ASCC3: variants seen among roughly 807,000 people sequenced by gnomAD.
The protein encoded by ASCC3 is activating signal cointegrator 1 complex subunit 3.
In ASCC3, 158 loss-of-function variants were observed where a neutral mutation model predicts 256.3. The observed-to-expected ratio is 0.62, with a 90% CI of 0.54 to 0.70. The LOEUF (loss-of-function observed/expected upper bound fraction) is 0.70. Ranked by LOEUF, ASCC3 falls within the 30% of genes least tolerant of loss-of-function variation. The probability of loss-of-function intolerance (pLI) is 0.00; values close to 1 mark genes in which losing one functional copy is unlikely to be tolerated. For synonymous variants in ASCC3, 948 were observed against 883.4 expected, an observed-to-expected ratio of 1.07 and a Z score of -1.30; for missense variants, 2,259 against 2,626.0, an observed-to-expected ratio of 0.86 and a Z score of 3.05.
chr6:100,520,904 G>A (rs558903355), intron 37 of ASCC3, among the ~76,000 whole-genome samples: 1 of 152,192 alleles, frequency 6.6e-6, no homozygotes, highest in East Asian at 1.9e-4. Context: ...TGCCTCTGCT[G>A]TTCTTGACAC....
rs763204154 is a variant in ASCC3, at chr6:100,627,801, C to T, written c.4521+41G>A. The T allele has an allele frequency of 1.7e-5, 27 of 1,612,224 alleles. No individual in the cohort carries two copies. In the South Asian group the frequency reaches 2.2e-4, roughly 13 times the overall value. On this transcript the variant is annotated intron_variant, in intron 28 of 41. Coordinates refer to ENST00000369162, the MANE Select transcript of ASCC3 (RefSeq NM_006828.4). The stretch of plus-strand genomic sequence containing the variant: ...CTCTTAAAAGGAATCATCAAAGTAA[C>T]ACTACTAAATAAATGCATAATTTAT...
At chr6:100,605,844 C>T in intron 32 of ASCC3, 144 bp from the exon 33 acceptor site, 1 of 895,736 alleles carries the variant, frequency 1.1e-6, no homozygotes, top group Non-Finnish European at 1.7e-6. Flanking sequence ...TTGATGGCTA[C>T]TACTACGTTG....
chr6:100,521,558 T>A (rs1774312001), intron 37 of ASCC3, among the ~76,000 whole-genome samples: 1 of 152,160 alleles, frequency 6.6e-6, no homozygotes, highest in Non-Finnish European at 1.5e-5. Flanking sequence ...TTCTAATTGA[T>A]GGTAATCAGG....
chr6:100,624,343 T>A, intron 30 of ASCC3, among the ~76,000 whole-genome samples: 1 of 149,112 alleles, frequency 6.7e-6, no homozygotes, highest in African/African-American at 2.5e-5. Flanking sequence ...CCAAAAGAAA[T>A]GAAGAGACAA....
At chr6:100,864,766 G>A (rs1035545667) in intron 2 of ASCC3, among the ~76,000 whole-genome samples, 17 of 152,118 alleles carry the variant, frequency 1.1e-4, no homozygotes, top group African/African-American at 4.1e-4. Context: ...TTTCTATTAG[G>A]TGGCTTAAAC....
intron 4 of ASCC3, among the ~76,000 whole-genome samples, chr6:100,840,544 G>GT (rs140357094): frequency 0.031 from 4,366 of 139,766 alleles, 103 homozygotes; most frequent in Non-Finnish European, 0.049. Flanking sequence ...TTATTTTAGC[G>GT]TAAGAGTCTT....
At chr6:100,878,686 T>G (rs1415995589) in intron 1 of ASCC3, among the ~76,000 whole-genome samples, 1 of 152,166 alleles carries the variant, frequency 6.6e-6, no homozygotes, top group Non-Finnish European at 1.5e-5. Context: ...TCCACCCTAA[T>G]CCATGAGCCT....
chr6:100,760,449 G>A (rs535391570), intron 10 of ASCC3, among the ~76,000 whole-genome samples: 39 of 152,218 alleles, frequency 2.6e-4, no homozygotes, highest in Non-Finnish European at 4.6e-4. Context: ...TGCATGTGTT[G>A]AACAAGCCTT....
At chr6:100,655,523 C>T (rs1008012783) in intron 17 of ASCC3, among the ~76,000 whole-genome samples, 176 bp downstream of exon 17, 3 of 151,592 alleles carry the variant, frequency 2.0e-5, no homozygotes, top group African/African-American at 7.3e-5. Context: ...TTAAATATAG[C>T]CTGCCTAATA....
At chr6:100,666,968 AT>A (rs1257090888) in intron 14 of ASCC3, among the ~76,000 whole-genome samples, 2 of 152,204 alleles carry the variant, frequency 1.3e-5, no homozygotes, top group Non-Finnish European at 2.9e-5. Flanking sequence ...GCTTTGGATA[AT>A]TTGCAGACTG....
At position 100,650,651 on chromosome 6, in the gene ASCC3, G is replaced by A; in HGVS notation, c.3139C>T (p.Pro1047Ser). The change falls in exon 20 of 42, where the codon CCT becomes TCT. Residue 1047 changes from proline to serine, a missense_variant. By Grantham distance (74) the Pro-to-Ser change is moderately conservative (BLOSUM62 -1). Transcript: ENST00000369162. ...CCATAACTATTCTCTACACCTCCAG[G>A]AGTGGAGAGTTCACAAAAATTGCTT... ...LLSNFCELST[P>S]GGVENSYGKI... The A allele has an allele frequency of 6.2e-7, 1 of 1,612,348 alleles. No individual in the cohort carries two copies. Among genetic ancestry groups the A allele is most frequent in the Non-Finnish European group, 8.5e-7 (1 of 1,178,782 alleles).
At chr6:100,512,993 C>T (rs1773849255) in intron 39 of ASCC3, 75 bp from the exon 40 acceptor site, 1 of 1,335,448 alleles carries the variant, frequency 7.5e-7, no homozygotes, top group South Asian at 1.3e-5. Context: ...AAATAGTGTG[C>T]TTTTAGACGA....
chr6:100,874,166 T>G (rs1413927016), intron 1 of ASCC3, among the ~76,000 whole-genome samples: 2 of 152,088 alleles, frequency 1.3e-5, no homozygotes, highest in Non-Finnish European at 2.9e-5. Context: ...TTACAGTTCT[T>G]CAAAACTCAT....
At chr6:100,851,346 T>C (rs1299073176) in intron 3 of ASCC3, among the ~76,000 whole-genome samples, 1 of 152,192 alleles carries the variant, frequency 6.6e-6, no homozygotes, top group African/African-American at 2.4e-5. Context: ...TATTATCTAA[T>C]GTAAAAGTGT....
At chr6:100,651,215 C>A (rs1015149103) in intron 19 of ASCC3, among the ~76,000 whole-genome samples, 1 of 151,756 alleles carries the variant, frequency 6.6e-6, no homozygotes, top group Non-Finnish European at 1.5e-5. Flanking sequence ...AATACAGGTA[C>A]AGAAATACTC....
At chr6:100,709,432 T>C (rs1448979727) in intron 13 of ASCC3, among the ~76,000 whole-genome samples, 2 of 152,150 alleles carry the variant, frequency 1.3e-5, no homozygotes, top group Non-Finnish European at 2.9e-5. Context: ...AACACCTGCA[T>C]TTAAGTACTG....
chr6:100,867,736 CG>C (rs1170471589), intron 2 of ASCC3, among the ~76,000 whole-genome samples, 171 bp downstream of exon 2: 1 of 152,104 alleles, frequency 6.6e-6, no homozygotes, highest in Non-Finnish European at 1.5e-5. Context: ...AGATGCTAAA[CG>C]TAAGTATTAC....
intron 4 of ASCC3, among the ~76,000 whole-genome samples, chr6:100,841,372 G>A (rs556264372): frequency 1.4e-4 from 21 of 152,028 alleles, no homozygotes; most frequent in Admixed American, 4.6e-4. Flanking sequence ...GTCAGATGAA[G>A]GCAAAAGTCC....
At chr6:100,869,799 A>G (rs1465798158) in intron 1 of ASCC3, among the ~76,000 whole-genome samples, 4 of 152,204 alleles carry the variant, frequency 2.6e-5, no homozygotes, top group African/African-American at 9.7e-5. Context: ...AAAGGCTGAA[A>G]GGATAGGATA....
Sources: gnomAD v4.1 joint callset for allele counts (sites outside exome capture counted in the v4.1 genomes callset) on GRCh38, gnomAD v4.1.1 for gene constraint, MANE v1.5 for transcripts, NCBI Gene and HGNC (gene_info 2026-07-23, HGNC 2026-07-21) for gene names.